Variants in RBFOX1 observed in about 807,000 individuals in gnomAD.
The protein encoded by RBFOX1 is RNA binding protein fox-1 homolog 1.
In RBFOX1, 8 loss-of-function variants were observed where a neutral mutation model predicts 57.7. The ratio of observed to expected loss-of-function variants is 0.14; its 90% CI spans 0.08 to 0.25. The LOEUF is 0.25. RBFOX1 is among the 10% of genes least tolerant of loss of function. The pLI, the probability that RBFOX1 is intolerant of heterozygous loss-of-function variation, is 1.00. For synonymous variants in RBFOX1, 326 were observed against 222.4 expected, an observed-to-expected ratio of 1.47 and a Z score of -4.15; for missense variants, 611 against 548.5, an observed-to-expected ratio of 1.11 and a Z score of -1.14.
intron 4 of RBFOX1, among the ~76,000 whole-genome samples, chr16:5,958,585 A>G (rs941223290): frequency 2.0e-5 from 3 of 152,234 alleles, no homozygotes; most frequent in African/African-American, 7.2e-5. Flanking sequence ...ATGAGATAAT[A>G]CAGGTGTATT....
intron 2 of RBFOX1, among the ~76,000 whole-genome samples, chr16:6,365,598 A>C (rs887668356): frequency 1.3e-5 from 2 of 152,126 alleles, no homozygotes; most frequent in African/African-American, 4.8e-5. Flanking sequence ...GACATATGCT[A>C]TCTTTTTTTG....
chr16:6,907,627 G>A (rs1184884846), intron 3 of RBFOX1, among the ~76,000 whole-genome samples: 1 of 152,158 alleles, frequency 6.6e-6, no homozygotes, highest in Admixed American at 6.5e-5. Flanking sequence ...CTGGATTGCA[G>A]TGGCACGATC....
intron 2 of RBFOX1, among the ~76,000 whole-genome samples, chr16:5,557,294 T>C (rs1448545846): frequency 6.8e-6 from 1 of 147,710 alleles, no homozygotes; most frequent in African/African-American, 2.4e-5. Context: ...AATAAATAAA[T>C]AAATAAATAA....
At chr16:7,416,587 C>T (rs2098480163) in intron 4 of RBFOX1, among the ~76,000 whole-genome samples, 1 of 152,160 alleles carries the variant, frequency 6.6e-6, no homozygotes, top group African/African-American at 2.4e-5. Flanking sequence ...TGGGGACAGC[C>T]TTCTTGTCTT....
At chr16:5,346,021 C>A (rs1182113667) in intron 1 of RBFOX1, among the ~76,000 whole-genome samples, 2 of 152,222 alleles carry the variant, frequency 1.3e-5, no homozygotes, top group African/African-American at 4.8e-5. Context: ...TCAACAATCC[C>A]TTTCAGTATC....
chr16:6,289,839 A>G (rs571887478), intron 1 of RBFOX1, among the ~76,000 whole-genome samples: 1 of 152,200 alleles, frequency 6.6e-6, no homozygotes, highest in South Asian at 2.1e-4. Flanking sequence ...TGAATGAATA[A>G]TACAAAGAAT....
At chr16:6,769,074 C>T (rs1283379187) in intron 3 of RBFOX1, among the ~76,000 whole-genome samples, 1 of 152,068 alleles carries the variant, frequency 6.6e-6, no homozygotes, top group Non-Finnish European at 1.5e-5. Context: ...TTGGCTGTGT[C>T]CCCACCCAAA....
chr16:5,506,897 C>G (rs2043398732), intron 2 of RBFOX1, among the ~76,000 whole-genome samples: 1 of 152,128 alleles, frequency 6.6e-6, no homozygotes, highest in Non-Finnish European at 1.5e-5. Context: ...ATTTCCCCCT[C>G]CACCCACTCC....
At chr16:7,016,400 G>A (rs1164320630) in intron 3 of RBFOX1, among the ~76,000 whole-genome samples, 1 of 152,082 alleles carries the variant, frequency 6.6e-6, no homozygotes, top group Admixed American at 6.6e-5. Context: ...TGAAAACAAG[G>A]CACTGAACTT....
At chr16:7,687,129 G>A (rs965547696) in intron 14 of RBFOX1, among the ~76,000 whole-genome samples, 1 of 151,994 alleles carries the variant, frequency 6.6e-6, no homozygotes, top group African/African-American at 2.4e-5. Context: ...AATCTGTTTG[G>A]TTACTTGTCT....
intron 1 of RBFOX1, among the ~76,000 whole-genome samples, chr16:5,440,462 A>G (rs1206982033): frequency 6.6e-6 from 1 of 152,236 alleles, no homozygotes; most frequent in Admixed American, 6.5e-5. Context: ...GCCTCAGCCC[A>G]AAAGGACTAA....
intron 3 of RBFOX1, among the ~76,000 whole-genome samples, chr16:6,783,063 T>A (rs2081296691): frequency 6.6e-6 from 1 of 152,136 alleles, no homozygotes; most frequent in Non-Finnish European, 1.5e-5. Context: ...TATGTTCTTT[T>A]TTGGTTTTCA....
At chr16:7,568,711 C>G (rs1334654061) in intron 5 of RBFOX1, among the ~76,000 whole-genome samples, 1 of 151,526 alleles carries the variant, frequency 6.6e-6, no homozygotes, top group Non-Finnish European at 1.5e-5. Context: ...TGGTGAAACC[C>G]CGACTCTACT....
chr16:6,680,186 A>G (rs560079079), intron 3 of RBFOX1, among the ~76,000 whole-genome samples: 3 of 151,204 alleles, frequency 2.0e-5, no homozygotes, highest in African/African-American at 7.3e-5. Context: ...GCAATTTCGT[A>G]TGGAGCTGCG....
chr16:6,905,723 C>G (rs935968875), intron 3 of RBFOX1, among the ~76,000 whole-genome samples: 2 of 152,146 alleles, frequency 1.3e-5, no homozygotes, highest in East Asian at 3.9e-4. Flanking sequence ...AAGAATTTCT[C>G]TCCAATGCCT....
chr16:6,980,384 C>T (rs1013655570), intron 3 of RBFOX1, among the ~76,000 whole-genome samples: 2 of 152,086 alleles, frequency 1.3e-5, no homozygotes, highest in Non-Finnish European at 2.9e-5. Context: ...CTAATCTTAT[C>T]TTTTTCCTTC....
intron 4 of RBFOX1, among the ~76,000 whole-genome samples, chr16:7,159,698 A>G (rs572960108): frequency 2.0e-4 from 31 of 152,304 alleles, no homozygotes; most frequent in African/African-American, 7.0e-4. Context: ...TCTGCCAAGT[A>G]CAAATGTGGC....
intron 3 of RBFOX1, among the ~76,000 whole-genome samples, chr16:5,848,985 A>AC (rs1363971241): frequency 6.6e-6 from 1 of 151,696 alleles, no homozygotes; most frequent in Non-Finnish European, 1.5e-5. Flanking sequence ...AACAAAAAAA[A>AC]ACAGAAAAGT....
chr16:6,008,600 T>C (rs1300012724), intron 4 of RBFOX1, among the ~76,000 whole-genome samples: 2 of 152,110 alleles, frequency 1.3e-5, no homozygotes, highest in Non-Finnish European at 2.9e-5. Flanking sequence ...ATCCCAGAGC[T>C]TCAGCATGTG....
Sources: gnomAD v4.1 joint callset for allele counts (sites outside exome capture counted in the v4.1 genomes callset) on GRCh38, gnomAD v4.1.1 for gene constraint, MANE v1.5 for transcripts, NCBI Gene and HGNC (gene_info 2026-07-23, HGNC 2026-07-21) for gene names.